SLC3A1: variants seen among roughly 807,000 people sequenced by gnomAD.
The protein encoded by SLC3A1 is amino acid transporter heavy chain SLC3A1.
A neutral mutation model predicts 60.3 loss-of-function variants in SLC3A1; 78 were observed. That is an observed-to-expected ratio of 1.29 (90% CI 1.08 to 1.56). The LOEUF is 1.56. Among genes scored for constraint, SLC3A1 ranks in the 40% most tolerant of loss-of-function variants. The pLI is 0.00. For missense variants in SLC3A1, 1,172 were observed against 858.9 expected (o/e 1.36, Z -4.56); for synonymous variants, 392 against 307.9 (o/e 1.27, Z -2.86).
Position 44,300,092 on chromosome 2 carries a change from TAA to T in SLC3A1, c.1011+4_1011+5del, listed in dbSNP as rs766829288. On this transcript the variant is annotated splice_donor_region_variant and intron_variant, in intron 5 of 9. Transcript: ENST00000260649. Reference sequence around the variant, plus strand: ...CAAGTAAATAAGACCCAAATCCCGGTAAAGTTTTATTTTAAACGTTTTTCTTT... The same window carrying T: ...CAAGTAAATAAGACCCAAATCCCGGTAGTTTTATTTTAAACGTTTTTCTTT... 1.2e-6 allele frequency: 2 copies of T among 1,613,922 alleles called. No individual in the cohort carries two copies. The highest frequency in any genetic ancestry group is 2.7e-5 in the African/African-American group (2 of 75,054).
intron 9 of SLC3A1, chr2:44,319,744 C>A (rs899867070): frequency 6.4e-6 from 1 of 156,014 alleles, no homozygotes; most frequent in African/African-American, 2.4e-5. Flanking sequence ...GTTACACGAT[C>A]TTCGCACAAC....
chr2:44,321,628 C>T, downstream of SLC3A1: 1 of 1,485,928 alleles, frequency 6.7e-7, no homozygotes, highest in South Asian at 1.4e-5. Flanking sequence ...TTTTCTTTAA[C>T]AGAGCTCACG....
chr2:44,296,022 A>C (rs1384293030), intron 4 of SLC3A1, among the ~76,000 whole-genome samples: 1 of 152,238 alleles, frequency 6.6e-6, no homozygotes, highest in African/African-American at 2.4e-5. Context: ...AAGGGGAGTT[A>C]GATGAGTGCA....
chr2:44,281,159 C>CT lies in SLC3A1; in HGVS notation c.611-212dup, dbSNP rs552579658. Among the ~76,000 whole-genome samples, 74,386 of 112,512 alleles carry CT rather than the reference C, an allele frequency of 0.66. 25,738 individuals are homozygous for CT. The highest frequency in any genetic ancestry group is 0.78 in the African/African-American group (22,220 of 28,668). 73.8% of individuals were successfully genotyped at this position (112,512 alleles called of 152,430 possible). The stretch of plus-strand genomic sequence containing the variant: ...CCTCCCCTCCCCTCTCCTTTCCCTG[C>CT]TTTTTTTTTTTTTTTTCCAGGCAGG... On this transcript the variant is annotated intron_variant, in intron 2 of 9. Transcript: ENST00000260649.
intron 6 of SLC3A1, 95 bp downstream of exon 6, chr2:44,301,222 T>G (rs1441316853): frequency 6.8e-7 from 1 of 1,471,944 alleles, no homozygotes; most frequent in Non-Finnish European, 9.5e-7. Flanking sequence ...GTTCAAGTAA[T>G]AATGTAACAA....
intron 5 of SLC3A1, 89 bp downstream of exon 5, chr2:44,300,179 AAG>A: frequency 7.3e-7 from 1 of 1,371,890 alleles, no homozygotes; most frequent in Non-Finnish European, 1.0e-6. Context: ...ACCAGTTACA[AAG>A]ATGAGTTTTG....
Position 44,320,493 on chromosome 2 carries a change from A to G in SLC3A1, c.1912A>G (p.Ile638Val), listed in dbSNP as rs1366874663. 6.2e-7 allele frequency: 1 copy of G among 1,614,050 alleles called. No individual in the cohort carries two copies. Among genetic ancestry groups the G allele is most frequent in the Non-Finnish European group, 8.5e-7 (1 of 1,180,004 alleles). ...AGGCAGTAAAGTTGATACAAGTGGC[A>G]TTTTTCTGGACAAGGGAGAGGGACT... ...DKGSKVDTSG[I>V]FLDKGEGLIF... The change falls in exon 10 of 10, where the codon ATT (isoleucine) becomes GTT (valine). Residue 638 changes from isoleucine (I) to valine (V), a missense_variant. Coordinates refer to ENST00000260649, the MANE Select transcript of SLC3A1 (RefSeq NM_000341.4).
intron 5 of SLC3A1, 54 bp from the exon 6 acceptor site, chr2:44,300,949 T>C: frequency 6.2e-7 from 1 of 1,610,346 alleles, no homozygotes; most frequent in Non-Finnish European, 8.5e-7. Context: ...TAGAGCGAGC[T>C]GTGGGCATGC....
chr2:44,280,277 C>A (rs533868887), intron 1 of SLC3A1, among the ~76,000 whole-genome samples: 3 of 151,552 alleles, frequency 2.0e-5, no homozygotes, highest in Non-Finnish European at 4.4e-5. Flanking sequence ...CTTGCTCTGT[C>A]GCCCAGGCTA....
intron 2 of SLC3A1, 41 bp downstream of exon 2, chr2:44,280,936 G>T: frequency 6.5e-7 from 1 of 1,543,462 alleles, no homozygotes; most frequent in South Asian, 1.1e-5. Context: ...GATGAGGTTT[G>T]AGAGAAGCAC....
chr2:44,300,562 C>A (rs151083535), intron 5 of SLC3A1, among the ~76,000 whole-genome samples: 1 of 151,752 alleles, frequency 6.6e-6, no homozygotes, highest in Non-Finnish European at 1.5e-5. Context: ...ACTGAAACCC[C>A]GAGAAAGTAT....
intron 4 of SLC3A1, among the ~76,000 whole-genome samples, chr2:44,288,968 G>C (rs1364992032): frequency 6.6e-6 from 1 of 151,924 alleles, no homozygotes; most frequent in East Asian, 1.9e-4. Context: ...CTGAGTACCT[G>C]GGACTATAGG....
chr2:44,316,502 T>C (rs1388896531), intron 9 of SLC3A1: 2 of 152,200 alleles, frequency 1.3e-5, no homozygotes, highest in Admixed American at 1.3e-4. Context: ...GGAAGATAGA[T>C]ACAGAATTCC....
In SLC3A1 at chr2:44,275,880, A is replaced by T. The variant is rs768741473; in HGVS notation, c.345A>T (p.Leu115=). 1 of 1,614,224 alleles carries T rather than the reference A, an allele frequency of 6.2e-7. No individual in the cohort carries two copies. The highest frequency in any genetic ancestry group is 1.1e-5 in the South Asian group (1 of 91,086). Residue 115 remains leucine, a synonymous_variant, in exon 1 of 10, where the codon CTA becomes CTT. Transcript: ENST00000260649. Reference sequence around the variant, plus strand: ...TCATTGCCCTCTCTCCAAAGTGCCTAGACTGGTGGCAGGAGGGGCCCATGT... The same window carrying T: ...TCATTGCCCTCTCTCCAAAGTGCCTTGACTGGTGGCAGGAGGGGCCCATGT... ...IAIIALSPKC[L]DWWQEGPMYQ...
In SLC3A1 at chr2:44,304,080, G is replaced by C. The variant is rs754612172; in HGVS notation, c.1137-63G>C. 3.4e-5 allele frequency: 42 copies of C among 1,250,064 alleles called. No individual in the cohort carries two copies. The South Asian group carries it at 5.0e-4, about 15-fold the overall frequency. 77.4% of individuals were successfully genotyped at this position (1,250,064 alleles called of 1,614,324 possible). ...TCTTGTACATGCAAGATAAGCAGCT[G>C]TGGAGTGCCTTCCCAGTCTTCTGAC... On this transcript the variant is annotated intron_variant, in intron 6 of 9. Transcript: ENST00000260649.
At chr2:44,296,687 T>C (rs1671857972) in intron 4 of SLC3A1, among the ~76,000 whole-genome samples, 1 of 152,212 alleles carries the variant, frequency 6.6e-6, no homozygotes, top group Non-Finnish European at 1.5e-5. Context: ...GAAACCTCCA[T>C]ATTCACGTGC....
intron 4 of SLC3A1, among the ~76,000 whole-genome samples, chr2:44,297,807 C>G (rs190628621): frequency 6.6e-6 from 1 of 152,092 alleles, no homozygotes; most frequent in Non-Finnish European, 1.5e-5. Context: ...TCATGTTGCC[C>G]GGCTGGTCTA....
chr2:44,304,940 G>A (rs781087518), intron 7 of SLC3A1, among the ~76,000 whole-genome samples: 2 of 145,212 alleles, frequency 1.4e-5, no homozygotes, highest in Non-Finnish European at 3.0e-5. Flanking sequence ...TCCCACCTCA[G>A]CCTCCTGAGT....
Position 44,321,095 on chromosome 2 carries a change from C to G in SLC3A1, c.*456C>G, listed in dbSNP as rs1245232872. On this transcript the variant is annotated 3_prime_UTR_variant, in exon 10 of 10. Coordinates refer to ENST00000260649, the MANE Select transcript of SLC3A1 (RefSeq NM_000341.4). ...GCCTGGAGCTCTGCTATCACCAATC[C>G]TTCCCTTCCCTCTACTCCACATCCT... 4.5e-6 allele frequency: 2 copies of G among 445,134 alleles called. No individual in the cohort carries two copies. The highest frequency in any genetic ancestry group is 4.0e-5 in the African/African-American group (2 of 50,518). The allele number at this position is 445,134 out of a possible 1,614,324, so 27.6% of individuals were successfully genotyped here. A position where few individuals can be genotyped will look rare whatever the true frequency, so the allele number is the denominator to read the frequency against.
Sources: gnomAD v4.1 joint callset for allele counts (sites outside exome capture counted in the v4.1 genomes callset) on GRCh38, gnomAD v4.1.1 for gene constraint, MANE v1.5 for transcripts, NCBI Gene and HGNC (gene_info 2026-07-23, HGNC 2026-07-21) for gene names.